CEMIP: variants seen among roughly 807,000 people sequenced by gnomAD.
The protein encoded by CEMIP is cell migration-inducing and hyaluronan-binding protein.
CEMIP carries 105 observed loss-of-function variants against 156.9 expected under a neutral mutation model. The observed-to-expected ratio is 0.67, with a 90% CI of 0.57 to 0.79. The LOEUF (loss-of-function observed/expected upper bound fraction) is 0.79, where lower values mean the gene tolerates loss of function less well. Ranked by LOEUF, CEMIP falls within the 30% of genes least tolerant of loss-of-function variation. CEMIP has a pLI of 0.00. For missense variants in CEMIP, 1,457 were observed against 1,769.4 expected (o/e 0.82, Z 3.17); for synonymous variants, 676 against 668.4 (o/e 1.01, Z -0.17).
At chr15:80,805,331 C>A (rs143469667) in intron 1 of CEMIP, among the ~76,000 whole-genome samples, 1 of 152,298 alleles carries the variant, frequency 6.6e-6, no homozygotes, top group African/African-American at 2.4e-5. Context: ...CCTTCCTGCC[C>A]GCCCGGGACA....
At chr15:80,816,503 C>T (rs762863142) in intron 1 of CEMIP, among the ~76,000 whole-genome samples, 4 of 152,254 alleles carry the variant, frequency 2.6e-5, no homozygotes, top group South Asian at 2.1e-4. Context: ...TGGGCCAGTC[C>T]GCCCACAAAT....
intron 8 of CEMIP, 91 bp from the exon 9 acceptor site, chr15:80,888,610 A>G: frequency 1.1e-6 from 1 of 942,426 alleles, no homozygotes; most frequent in South Asian, 1.3e-5. Context: ...GTCAATGCCC[A>G]TGTGCGTAGG....
At chr15:80,935,788 A>G (rs1007109356) in intron 23 of CEMIP, among the ~76,000 whole-genome samples, 13 of 151,982 alleles carry the variant, frequency 8.6e-5, no homozygotes, top group Admixed American at 7.9e-4. Flanking sequence ...CTGGAGTGCA[A>G]TGGGCAATGG....
intron 12 of CEMIP, among the ~76,000 whole-genome samples, chr15:80,903,456 C>T (rs780540435): frequency 1.3e-5 from 2 of 152,114 alleles, no homozygotes; most frequent in Non-Finnish European, 2.9e-5. Flanking sequence ...GGGAGATACA[C>T]GCATGGAAGC....
chr15:80,912,238 C>A (rs905586390), intron 14 of CEMIP, among the ~76,000 whole-genome samples: 7 of 152,188 alleles, frequency 4.6e-5, no homozygotes, highest in Admixed American at 4.6e-4. Context: ...AGGGGTAGCC[C>A]ATGGAGCTGT....
chr15:80,951,164 T>C lies in CEMIP; in HGVS notation c.*2240T>C, dbSNP rs1901804761. On this transcript the variant is annotated 3_prime_UTR_variant, in exon 30 of 30. Coordinates refer to ENST00000394685, the MANE Select transcript of CEMIP (RefSeq NM_001293298.2). ...CGGTTTTGTTGAGTTTTCACTCTTCTAATGCAAGGGTCTCACACTGTGAAC... is the reference window on the plus strand; with the variant it reads ...CGGTTTTGTTGAGTTTTCACTCTTCCAATGCAAGGGTCTCACACTGTGAAC... 1 of 152,716 alleles carries C rather than the reference T, an allele frequency of 6.5e-6. No individual in the cohort carries two copies. The highest frequency in any genetic ancestry group is 1.5e-5 in the Non-Finnish European group (1 of 68,054). 9.5% of individuals were successfully genotyped at this position (152,716 alleles called of 1,614,324 possible).
intron 1 of CEMIP, among the ~76,000 whole-genome samples, chr15:80,792,926 C>G (rs144507689): frequency 3.3e-5 from 5 of 152,288 alleles, no homozygotes; most frequent in African/African-American, 9.6e-5. Context: ...AGGAGAGCTA[C>G]TTACTAGCAT....
At chr15:80,910,368 C>G (rs1254860152) in intron 14 of CEMIP, among the ~76,000 whole-genome samples, 1 of 152,164 alleles carries the variant, frequency 6.6e-6, no homozygotes, top group Admixed American at 6.5e-5. Context: ...CTGTAAAACC[C>G]CAGGCCGGTG....
chr15:80,792,114 G>A (rs910905973), intron 1 of CEMIP, among the ~76,000 whole-genome samples: 1 of 152,190 alleles, frequency 6.6e-6, no homozygotes, highest in Non-Finnish European at 1.5e-5. Flanking sequence ...GCAAATCTGA[G>A]TATGCCCACC....
chr15:80,831,683 A>C (rs1229878058), intron 1 of CEMIP, among the ~76,000 whole-genome samples: 1 of 152,210 alleles, frequency 6.6e-6, no homozygotes, highest in African/African-American at 2.4e-5. Flanking sequence ...TGGAGTATCC[A>C]GGTTCCAACT....
At chr15:80,840,200 T>C (rs1185553300) in intron 1 of CEMIP, among the ~76,000 whole-genome samples, 3 of 152,186 alleles carry the variant, frequency 2.0e-5, no homozygotes, top group South Asian at 4.1e-4. Context: ...CCAGGAGTCT[T>C]GAAGGGCAAG....
chr15:80,786,708 G>A (rs955978059), intron 1 of CEMIP, among the ~76,000 whole-genome samples: 4 of 152,100 alleles, frequency 2.6e-5, no homozygotes, highest in Middle Eastern at 3.2e-3. Flanking sequence ...GAGGACCAGT[G>A]AGAAGGGCTG....
intron 1 of CEMIP, among the ~76,000 whole-genome samples, chr15:80,853,631 G>A (rs1470758133): frequency 1.3e-5 from 2 of 152,206 alleles, no homozygotes; most frequent in Admixed American, 1.3e-4. Flanking sequence ...AGGACTACTT[G>A]AGAGAGAAGA....
chr15:80,846,672 T>TA (rs1318129662), intron 1 of CEMIP, among the ~76,000 whole-genome samples: 1 of 152,246 alleles, frequency 6.6e-6, no homozygotes, highest in Non-Finnish European at 1.5e-5. Flanking sequence ...GAGAAAGGCC[T>TA]GCCTGCCGGT....
At chr15:80,788,471 CAAAA>C (rs11320710) in intron 1 of CEMIP, among the ~76,000 whole-genome samples, 1 of 79,340 alleles carries the variant, frequency 1.3e-5, no homozygotes, top group Non-Finnish European at 3.0e-5. Flanking sequence ...AACTCCATCT[CAAAA>C]AAAAAAAAAA....
At chr15:80,910,015 A>C (rs1899985783) in intron 14 of CEMIP, among the ~76,000 whole-genome samples, 2 of 152,232 alleles carry the variant, frequency 1.3e-5, no homozygotes, top group South Asian at 2.1e-4. Flanking sequence ...ACTAAATTGG[A>C]CTTTCTTTAA....
intron 1 of CEMIP, among the ~76,000 whole-genome samples, chr15:80,812,509 G>C (rs888036188): frequency 4.3e-4 from 65 of 152,242 alleles, no homozygotes; most frequent in African/African-American, 1.6e-3. Context: ...CTGTATAATG[G>C]GCCCAATAGT....
In CEMIP at chr15:80,873,524, T is replaced by C. The variant is rs886520186; in HGVS notation, c.-175-14T>C. On this transcript the variant is annotated splice_polypyrimidine_tract_variant and intron_variant, in intron 1 of 29. Coordinates refer to ENST00000394685, the MANE Select transcript of CEMIP (RefSeq NM_001293298.2). ...GTGGGAGTATTTTTGTTCTGCTCTGTTTCTTAACTTAAGAGAAAAGCTTCA... is the reference window on the plus strand; with the variant it reads ...GTGGGAGTATTTTTGTTCTGCTCTGCTTCTTAACTTAAGAGAAAAGCTTCA... 2.4e-4 allele frequency: 81 copies of C among 337,456 alleles called. 1 individual carries two copies. Among genetic ancestry groups the C allele is most frequent in the Non-Finnish European group, 3.4e-5 (6 of 173,914 alleles). The allele number at this position is 337,456 out of a possible 1,614,324, so 20.9% of individuals were successfully genotyped here. A position where few individuals can be genotyped will look rare whatever the true frequency, so the allele number is the denominator to read the frequency against.
chr15:80,924,768 C>T (rs1229781578), intron 18 of CEMIP, 62 bp downstream of exon 18: 4 of 1,340,338 alleles, frequency 3.0e-6, no homozygotes, highest in African/African-American at 1.4e-5. Flanking sequence ...CTGCCTCCCC[C>T]TCCTTCAATC....
Sources: gnomAD v4.1 joint callset for allele counts (sites outside exome capture counted in the v4.1 genomes callset) on GRCh38, gnomAD v4.1.1 for gene constraint, MANE v1.5 for transcripts, NCBI Gene and HGNC (gene_info 2026-07-23, HGNC 2026-07-21) for gene names.